RPS6KC1: variants seen among roughly 807,000 people sequenced by gnomAD.
RPS6KC1 encodes ribosomal protein S6 kinase C1.
RPS6KC1 carries 54 observed loss-of-function variants against 103.8 expected under a neutral mutation model. That is an observed-to-expected ratio of 0.52 (90% CI 0.42 to 0.65). The LOEUF (loss-of-function observed/expected upper bound fraction) is 0.65. Ranked by LOEUF, RPS6KC1 falls within the 30% of genes least tolerant of loss-of-function variation. RPS6KC1 has a pLI of 0.00. For missense variants in RPS6KC1, 1,151 were observed against 1,253.8 expected, an observed-to-expected ratio of 0.92 and a Z score of 1.24; for synonymous variants, 439 against 438.7, an observed-to-expected ratio of 1.00 and a Z score of -0.01.
chr1:213,605,846 A>G, the RPS6KC1 span, among the ~76,000 whole-genome samples: 1 of 152,188 alleles, frequency 6.6e-6, no homozygotes, highest in South Asian at 2.1e-4. Context: ...GAAACGACCA[A>G]GGTTACGCCA....
At chr1:213,391,260 C>T in the RPS6KC1 span, among the ~76,000 whole-genome samples, 3 of 152,076 alleles carry the variant, frequency 2.0e-5, no homozygotes, top group Admixed American at 6.5e-5. Flanking sequence ...AAACAGCCAA[C>T]GAGGGCCATG....
the RPS6KC1 span, among the ~76,000 whole-genome samples, chr1:213,373,891 C>T: frequency 1.3e-4 from 20 of 152,142 alleles, no homozygotes; most frequent in African/African-American, 4.3e-4. Context: ...TTCCCTTTAT[C>T]GCCACCGAAA....
chr1:213,266,933 AACAAACAAAC>A (rs1343507194), intron 14 of RPS6KC1, among the ~76,000 whole-genome samples: 2 of 150,794 alleles, frequency 1.3e-5, no homozygotes, highest in Non-Finnish European at 3.0e-5. Context: ...CAAACAAACA[AACAAACAAAC>A]AAAAAACAGC....
the RPS6KC1 span, among the ~76,000 whole-genome samples, chr1:213,581,244 C>T: frequency 1.3e-5 from 2 of 152,006 alleles, no homozygotes; most frequent in African/African-American, 2.4e-5. Flanking sequence ...GATGCAGCCT[C>T]GCCGGATCCA....
intron 8 of RPS6KC1, among the ~76,000 whole-genome samples, chr1:213,177,744 TC>T: frequency 6.6e-6 from 1 of 152,288 alleles, no homozygotes; most frequent in Middle Eastern, 3.4e-3. Flanking sequence ...GTTTCTAGGT[TC>T]TCAGATTTCT....
the RPS6KC1 span, among the ~76,000 whole-genome samples, chr1:213,483,032 C>T: frequency 6.6e-6 from 1 of 151,442 alleles, no homozygotes; most frequent in Non-Finnish European, 1.5e-5. Context: ...GAGTTGTATT[C>T]TACTAGTGAG....
At chr1:213,258,229 C>G (rs1212742920) in intron 12 of RPS6KC1, among the ~76,000 whole-genome samples, 2 of 152,070 alleles carry the variant, frequency 1.3e-5, no homozygotes, top group Non-Finnish European at 2.9e-5. Flanking sequence ...GATCTGGCCT[C>G]CCAAGTGCTG....
At chr1:213,506,615 C>T in the RPS6KC1 span, among the ~76,000 whole-genome samples, 12 of 152,266 alleles carry the variant, frequency 7.9e-5, no homozygotes, top group Non-Finnish European at 1.0e-4. Context: ...AGAATATAAA[C>T]GCCTCTCTGT....
chr1:213,606,547 G>C, the RPS6KC1 span, among the ~76,000 whole-genome samples: 4 of 152,224 alleles, frequency 2.6e-5, no homozygotes, highest in Admixed American at 1.3e-4. Context: ...GGTAAAGGAG[G>C]AATAAGGGAA....
the RPS6KC1 span, among the ~76,000 whole-genome samples, chr1:213,571,010 T>C: frequency 2.6e-5 from 4 of 152,240 alleles, no homozygotes; most frequent in South Asian, 6.2e-4. Flanking sequence ...TTAAATAAAT[T>C]AGTCTTTAAA....
chr1:213,153,551 G>A (rs967990666), intron 6 of RPS6KC1, among the ~76,000 whole-genome samples: 7 of 152,144 alleles, frequency 4.6e-5, no homozygotes, highest in Admixed American at 1.3e-4. Context: ...GTCTTGAAAA[G>A]TTATTATTTT....
chr1:213,295,259 T>C, the RPS6KC1 span, among the ~76,000 whole-genome samples: 1 of 152,214 alleles, frequency 6.6e-6, no homozygotes, highest in East Asian at 1.9e-4. Flanking sequence ...TGATAATGTT[T>C]CCTCCAAGAG....
chr1:213,219,033 G>A (rs955402435), intron 8 of RPS6KC1, among the ~76,000 whole-genome samples: 3 of 152,172 alleles, frequency 2.0e-5, no homozygotes, highest in Non-Finnish European at 2.9e-5. Context: ...AAACTAAAGA[G>A]CTTCTGCACA....
the RPS6KC1 span, among the ~76,000 whole-genome samples, chr1:213,638,572 A>G: frequency 6.6e-6 from 1 of 151,930 alleles, no homozygotes. Flanking sequence ...TTTTTTTTGC[A>G]TATAAGTGAC....
the RPS6KC1 span, among the ~76,000 whole-genome samples, chr1:213,584,432 A>G: frequency 6.6e-6 from 1 of 152,200 alleles, no homozygotes. Context: ...GACATCTGGT[A>G]TTCTAACAGA....
chr1:213,295,367 T>G, the RPS6KC1 span, among the ~76,000 whole-genome samples: 1 of 152,176 alleles, frequency 6.6e-6, no homozygotes, highest in Non-Finnish European at 1.5e-5. Flanking sequence ...GGTAAGGTAG[T>G]TAATGATCTC....
At chr1:213,068,867 G>GTA (rs1355067233) in intron 1 of RPS6KC1, among the ~76,000 whole-genome samples, 1 of 112,380 alleles carries the variant, frequency 8.9e-6, no homozygotes, top group Admixed American at 1.0e-4. Context: ...AAAAAAAAGT[G>GTA]TATATATGTG....
chr1:213,601,254 A>T, the RPS6KC1 span, among the ~76,000 whole-genome samples: 2 of 150,920 alleles, frequency 1.3e-5, no homozygotes, highest in African/African-American at 4.9e-5. Context: ...TATATAGTTC[A>T]TGTGTCTTAA....
chr1:213,651,365 G>A, the RPS6KC1 span, among the ~76,000 whole-genome samples: 1 of 152,186 alleles, frequency 6.6e-6, no homozygotes, highest in African/African-American at 2.4e-5. Context: ...GAGAGCCACG[G>A]TGAATACAAA....
Sources: gnomAD v4.1 joint callset for allele counts (sites outside exome capture counted in the v4.1 genomes callset) on GRCh38, gnomAD v4.1.1 for gene constraint, MANE v1.5 for transcripts, NCBI Gene and HGNC (gene_info 2026-07-23, HGNC 2026-07-21) for gene names.